The following RAB11FIP5 variants were observed in gnomAD, a reference collection of about 807,000 sequenced individuals.
RAB11FIP5 encodes RAB11 family interacting protein 5.
RAB11FIP5 carries 48 observed loss-of-function variants against 85.1 expected under a neutral mutation model. The observed-to-expected ratio is 0.56, with a 90% CI of 0.45 to 0.72. The LOEUF is 0.72. Among genes scored for constraint, RAB11FIP5 ranks in the 30% least tolerant of loss-of-function variants. The probability of loss-of-function intolerance (pLI) is 0.00; values close to 1 mark genes in which losing one functional copy is unlikely to be tolerated. For synonymous variants in RAB11FIP5, 729 were observed against 727.3 expected, an observed-to-expected ratio of 1.00 and a Z score of -0.04; for missense variants, 1,491 against 1,687.0, an observed-to-expected ratio of 0.88 and a Z score of 2.04.
At chr2:73,091,384 C>T (rs2163269) in intron 1 of RAB11FIP5, among the ~76,000 whole-genome samples, 1 of 152,168 alleles carries the variant, frequency 6.6e-6, no homozygotes, top group Non-Finnish European at 1.5e-5. Flanking sequence ...TGGAATAAAG[C>T]CCGGTGGTAG....
Position 73,081,103 on chromosome 2 carries a change from C to G in RAB11FIP5, c.2129G>C (p.Gly710Ala). The G allele has an allele frequency of 9.1e-7, 1 of 1,099,782 alleles. No individual in the cohort carries two copies. The highest frequency in any genetic ancestry group is 1.1e-6 in the Non-Finnish European group (1 of 883,290). The allele number at this position is 1,099,782 out of a possible 1,614,324, so 68.1% of individuals were successfully genotyped here. The change falls in exon 4 of 6, where the codon GGA (glycine) becomes GCA (alanine). Residue 710 changes from glycine to alanine, a missense_variant. By Grantham distance (60) the Gly-to-Ala change is moderately conservative. Transcript: ENST00000486777. This position sits in a 1 kb window ranked among gnomAD's most constrained non-coding sequence, Gnocchi z 4.2. ...PGGGGGGGGG[G>A]GGRGGSSVWL... is the part of the protein sequence containing the mutation. ...CACGCTGCTCCCACCTCTTCCTCCT[C>G]CTCCTCCTCCTCCTCCTCCTCCTCC...
At chr2:73,096,848 T>C (rs1181870624) in intron 1 of RAB11FIP5, among the ~76,000 whole-genome samples, 1 of 152,164 alleles carries the variant, frequency 6.6e-6, no homozygotes, top group Non-Finnish European at 1.5e-5. Context: ...ACAGTGATTC[T>C]CCTGGTGTCC....
In RAB11FIP5 at chr2:73,080,219, G is replaced by A. The variant is rs1574293520; in HGVS notation, c.3013C>T (p.Pro1005Ser). The A allele has an allele frequency of 1.6e-6, 2 of 1,232,546 alleles. No homozygotes were observed. The highest frequency in any genetic ancestry group is 3.2e-5 in the East Asian group (1 of 31,688). 76.4% of individuals were successfully genotyped at this position (1,232,546 alleles called of 1,614,324 possible). ...ASCPEGPAPI[P>S]CHSKSLALQS... is the part of the protein sequence containing the mutation. ...AGAGCCAAGCTCTTTGAGTGACAGG[G>A]TATGGGGGCAGGACCCTCAGGGCAG... The change falls in exon 4 of 6, where the codon CCC (proline) becomes TCC (serine). Residue 1005 changes from proline to serine, a missense_variant. Pro to Ser is a moderately conservative substitution (Grantham distance 74, BLOSUM62 -1). Transcript: ENST00000486777.
At chr2:73,092,600 C>T (rs991476627) in intron 1 of RAB11FIP5, among the ~76,000 whole-genome samples, 6 of 152,188 alleles carry the variant, frequency 3.9e-5, no homozygotes. Flanking sequence ...GGTCCTTTGC[C>T]ACAAGGACCT....
At chr2:73,100,141 C>T (rs746859463) in intron 1 of RAB11FIP5, among the ~76,000 whole-genome samples, 71 of 152,134 alleles carry the variant, frequency 4.7e-4, no homozygotes, top group African/African-American at 6.3e-4. Flanking sequence ...CTAGTACAAA[C>T]GGGAGACTCT....
intron 1 of RAB11FIP5, among the ~76,000 whole-genome samples, chr2:73,100,026 G>C (rs867725540): frequency 1.3e-5 from 2 of 152,196 alleles, no homozygotes; most frequent in Non-Finnish European, 2.9e-5. Context: ...TACTGGGTGG[G>C]AGAGTCTTCT....
chr2:73,112,862 C>G lies in RAB11FIP5; in HGVS notation c.-85G>C. On this transcript the variant is annotated 5_prime_UTR_variant, in exon 1 of 6. Transcript: ENST00000486777. ...AAACCCGGCCGCGGCAGAAGGCGGT[C>G]AGGAACCAACTCTGAGCGCCGCCGC... 8.0e-7 allele frequency: 1 copy of G among 1,249,702 alleles called. No individual in the cohort carries two copies. Among genetic ancestry groups the G allele is most frequent in the Non-Finnish European group, 1.0e-6 (1 of 974,332 alleles). The allele number at this position is 1,249,702 out of a possible 1,614,324, so 77.4% of individuals were successfully genotyped here. A position where few individuals can be genotyped will look rare whatever the true frequency, so the allele number is the denominator to read the frequency against.
intron 1 of RAB11FIP5, among the ~76,000 whole-genome samples, chr2:73,102,144 T>G (rs577722073): frequency 6.6e-6 from 1 of 152,144 alleles, no homozygotes; most frequent in East Asian, 1.9e-4. Context: ...GACATTCCAG[T>G]TGCGAGGGAC....
intron 1 of RAB11FIP5, among the ~76,000 whole-genome samples, chr2:73,109,174 A>G (rs892893101): frequency 3.3e-5 from 5 of 152,214 alleles, no homozygotes; most frequent in Non-Finnish European, 5.9e-5. Flanking sequence ...GGAGATCATT[A>G]GTTTCCTTGT....
At chr2:73,090,301 C>T (rs187615235) in intron 1 of RAB11FIP5, among the ~76,000 whole-genome samples, 14 of 152,290 alleles carry the variant, frequency 9.2e-5, no homozygotes, top group African/African-American at 2.6e-4. Flanking sequence ...GGCTGGGGCC[C>T]GCCCTACTGG....
chr2:73,094,102 C>G (rs1684274114), intron 1 of RAB11FIP5, among the ~76,000 whole-genome samples: 1 of 127,960 alleles, frequency 7.8e-6, no homozygotes, highest in Admixed American at 9.4e-5. Context: ...GCCTGGGCAA[C>G]AGAGTGAGAC....
chr2:73,090,052 G>A (rs908659307), intron 1 of RAB11FIP5, among the ~76,000 whole-genome samples: 12 of 152,130 alleles, frequency 7.9e-5, no homozygotes, highest in African/African-American at 2.9e-4. Context: ...GGTGCATTAC[G>A]ACCAGCATGA....
intron 1 of RAB11FIP5, among the ~76,000 whole-genome samples, chr2:73,110,696 TCCAGAGG>T (rs1684639032): frequency 6.6e-6 from 1 of 152,084 alleles, no homozygotes; most frequent in Non-Finnish European, 1.5e-5. Flanking sequence ...CTAAGGAAGA[TCCAGAGG>T]CCAAGAGGAA....
Position 73,098,609 on chromosome 2 carries a change from G to A in RAB11FIP5, c.432-9294C>T, listed in dbSNP as rs114337808. On this transcript the variant is annotated intron_variant, in intron 1 of 5. Coordinates refer to ENST00000486777, the MANE Select transcript of RAB11FIP5 (RefSeq NM_001371272.1). ...CAGGCTCCCTGCCTCCAGAGCCCCC[G>A]ACCTTGACCACTATACTATGCTGCC... Among the ~76,000 whole-genome samples the A allele has an allele frequency of 2.3e-3, 353 of 152,116 alleles. 2 individuals carry two copies. Among genetic ancestry groups the A allele is most frequent in the African/African-American group, 8.1e-3 (336 of 41,482 alleles).
chr2:73,110,588 T>C (rs1684635754), intron 1 of RAB11FIP5, among the ~76,000 whole-genome samples: 1 of 152,088 alleles, frequency 6.6e-6, no homozygotes, highest in South Asian at 2.1e-4. Flanking sequence ...AAATTAAGGT[T>C]CCCATTCAGA....
intron 4 of RAB11FIP5, among the ~76,000 whole-genome samples, chr2:73,079,019 G>A (rs1202164220): frequency 6.6e-6 from 1 of 152,228 alleles, no homozygotes; most frequent in African/African-American, 2.4e-5. Context: ...GCAAACCAAT[G>A]AAGCAACTGC....
chr2:73,088,369 C>A lies in RAB11FIP5; in HGVS notation c.1249G>T (p.Ala417Ser). ...CCCTCCTCCTCTCCAGGGTGGCTGG[C>A]CCCAGGGGCCAGGACTTTAGCCTGA... ...SAQAKVLAPG[A>S]SHPGEEEGAR... Residue 417 changes from alanine to serine, a missense_variant, in exon 3 of 6, where the codon GCC (alanine) becomes TCC (serine). Ala to Ser is a moderately conservative substitution (Grantham distance 99, BLOSUM62 1). Transcript: ENST00000486777. 6 of 1,613,794 alleles carry A rather than the reference C, an allele frequency of 3.7e-6. No individual in the cohort carries two copies. In the Admixed American group the frequency reaches 6.7e-5, roughly 18 times the overall value.
chr2:73,100,862 T>C (rs1574303406), intron 1 of RAB11FIP5, among the ~76,000 whole-genome samples: 1 of 152,218 alleles, frequency 6.6e-6, no homozygotes, highest in African/African-American at 2.4e-5. Context: ...TGGAGTGCAG[T>C]GGCACAATCT....
At chr2:73,107,407 GAGA>G (rs1206526213) in intron 1 of RAB11FIP5, among the ~76,000 whole-genome samples, 1 of 152,324 alleles carries the variant, frequency 6.6e-6, no homozygotes, top group East Asian at 1.9e-4. Context: ...GCTCCCAGCA[GAGA>G]AGGACAGCCC....
Sources: gnomAD v4.1 joint callset for allele counts (sites outside exome capture counted in the v4.1 genomes callset) on GRCh38, gnomAD v4.1.1 for gene constraint, Gnocchi (gnomAD v3.1) non-coding constraint, MANE v1.5 for transcripts, NCBI Gene and HGNC (gene_info 2026-07-23, HGNC 2026-07-21) for gene names.